Variants in ERICH6B observed in about 807,000 individuals in gnomAD.
The protein encoded by ERICH6B is glutamate rich 6B.
Under a neutral mutation model 80.0 loss-of-function variants are expected in ERICH6B, and 69 were observed. The observed-to-expected ratio is 0.86, with a 90% confidence interval of 0.71 to 1.05. ERICH6B has a LOEUF of 1.05. Ranked by LOEUF, ERICH6B falls within the 50% of genes least tolerant of loss-of-function variation. ERICH6B has a pLI of 0.00. For synonymous variants in ERICH6B, 283 were observed against 291.9 expected, an observed-to-expected ratio of 0.97 and a Z score of 0.31; for missense variants, 754 against 796.1, an observed-to-expected ratio of 0.95 and a Z score of 0.64.
chr13:45,593,535 G>C (rs1011573249), intron 3 of ERICH6B, among the ~76,000 whole-genome samples: 1 of 152,066 alleles, frequency 6.6e-6, no homozygotes, highest in Non-Finnish European at 1.5e-5. Flanking sequence ...CTATGAGGTA[G>C]GTCTAATGCT....
rs996821525 is a variant in ERICH6B at position 45,544,928 on chromosome 13, G to A, written c.1704C>T (p.Ala568=). ...GGATGTTCAGATTCCACCAGTTCCA[G>A]GCCTTCTGGCGTTTGTCTTTGGGGA... ...YYFPKDKRQK[A]WNWWNLNIHV... is the part of the protein sequence containing the mutation. The change falls in exon 14 of 15, where the codon GCC becomes GCT. Residue 568 remains alanine, a synonymous_variant. Coordinates refer to ENST00000298738, the MANE Select transcript of ERICH6B (RefSeq NM_182542.3). 2 of 1,551,690 alleles carry A rather than the reference G, an allele frequency of 1.3e-6. No homozygotes were observed. Among genetic ancestry groups the A allele is most frequent in the African/African-American group, 2.7e-5 (2 of 73,172 alleles).
chr13:45,571,414 G>C (rs4300537), intron 8 of ERICH6B, among the ~76,000 whole-genome samples: 13,459 of 151,352 alleles, frequency 0.089, 1,008 homozygotes, highest in African/African-American at 0.2. Flanking sequence ...AAACTATTCT[G>C]CACACTAACT....
intron 5 of ERICH6B, among the ~76,000 whole-genome samples, chr13:45,582,780 A>T (rs925475216): frequency 1.3e-5 from 2 of 152,248 alleles, no homozygotes; most frequent in Non-Finnish European, 2.9e-5. Context: ...GTCCAGGAAC[A>T]TCAGGAAACC....
In ERICH6B at chr13:45,573,854, A is replaced by G. The variant is rs1408757482; in HGVS notation, c.1050+988T>C. On this transcript the variant is annotated intron_variant, in intron 8 of 14. Transcript: ENST00000298738. ...ACTAAAACAATTCCTTCAGGTTTCA[A>G]CTCTAGTAGAATAATCTTTCCAAAA... Among the ~76,000 whole-genome samples, 3 of 152,166 alleles carry G rather than the reference A, an allele frequency of 2.0e-5. No individual in the cohort carries two copies. The East Asian group carries it at 5.8e-4, about 29-fold the overall frequency.
chr13:45,590,541 T>C (rs1876114614), intron 4 of ERICH6B, 108 bp downstream of exon 4: 1 of 1,056,680 alleles, frequency 9.5e-7, no homozygotes, highest in South Asian at 1.6e-5. Context: ...AACTCCTTCT[T>C]CCTCCCCTAC....
intron 7 of ERICH6B, among the ~76,000 whole-genome samples, chr13:45,579,148 T>C (rs1007923176): frequency 2.6e-5 from 4 of 152,174 alleles, no homozygotes; most frequent in African/African-American, 4.8e-5. Flanking sequence ...ACATCGTAGC[T>C]CTAAAATGCC....
intron 14 of ERICH6B, 28 bp downstream of exon 14, chr13:45,544,732 T>G (rs1165498851): frequency 6.5e-7 from 1 of 1,544,032 alleles, no homozygotes; most frequent in Non-Finnish European, 8.8e-7. Flanking sequence ...CCCCACCTGG[T>G]GGAGGGTATG....
rs201943666 is a variant in ERICH6B at position 45,572,940 on chromosome 13, A to AC, written c.1050+1901dup. Among the ~76,000 whole-genome samples the AC allele has an allele frequency of 7.4e-3, 1,123 of 151,176 alleles. 13 individuals are homozygous for AC. The highest frequency in any genetic ancestry group is 0.025 in the African/African-American group (1,045 of 41,166). On this transcript the variant is annotated intron_variant, in intron 8 of 14. Coordinates refer to ENST00000298738, the MANE Select transcript of ERICH6B (RefSeq NM_182542.3). ...CCCTATCAGATGGGCCAGAATTATG[A>AC]CCTTGGTGGTCGAGGATATGATGGA... is the stretch of plus-strand genomic sequence containing the variant.
chr13:45,550,171 C>T, intron 12 of ERICH6B, 60 bp downstream of exon 12: 5 of 1,536,958 alleles, frequency 3.3e-6, no homozygotes, highest in Middle Eastern at 1.7e-4. Flanking sequence ...CATAAAAAAT[C>T]GTAGACATTT....
At chr13:45,541,896 T>C (rs1055054341) in intron 14 of ERICH6B, among the ~76,000 whole-genome samples, 2 of 152,236 alleles carry the variant, frequency 1.3e-5, no homozygotes, top group Admixed American at 6.5e-5. Flanking sequence ...CATGGTGATG[T>C]GGGCTGAGGC....
At chr13:45,542,809 C>T (rs950612073) in intron 14 of ERICH6B, among the ~76,000 whole-genome samples, 1 of 152,152 alleles carries the variant, frequency 6.6e-6, no homozygotes, top group East Asian at 1.9e-4. Context: ...CCTTCCCAGG[C>T]AAGGGAACCT....
intron 9 of ERICH6B, among the ~76,000 whole-genome samples, chr13:45,565,866 T>C (rs1874890881): frequency 6.6e-6 from 1 of 152,204 alleles, no homozygotes; most frequent in African/African-American, 2.4e-5. Flanking sequence ...GAAGTGACTT[T>C]GGAACTAGGT....
intron 1 of ERICH6B, among the ~76,000 whole-genome samples, chr13:45,610,819 G>C (rs1949895306): frequency 6.7e-6 from 1 of 149,820 alleles, no homozygotes; most frequent in Non-Finnish European, 1.5e-5. Flanking sequence ...CAAGTGAAAT[G>C]TTATGTGGCA....
intron 11 of ERICH6B, among the ~76,000 whole-genome samples, chr13:45,558,871 A>G (rs1874547276): frequency 6.6e-6 from 1 of 152,182 alleles, no homozygotes; most frequent in South Asian, 2.1e-4. Flanking sequence ...TATGTTCACC[A>G]GGGATATTGG....
Position 45,591,112 on chromosome 13 carries a change from G to T in ERICH6B, c.638-415C>A, listed in dbSNP as rs558814193. ...CTGATTGTTTGCCTTGAATGATATGGCATAAAGAATTTCTTGTAGACTTGG... is the reference window on the plus strand; with the variant it reads ...CTGATTGTTTGCCTTGAATGATATGTCATAAAGAATTTCTTGTAGACTTGG... On this transcript the variant is annotated intron_variant, in intron 3 of 14. Coordinates refer to ENST00000298738, the MANE Select transcript of ERICH6B (RefSeq NM_182542.3). Among the ~76,000 whole-genome samples, 220 of 152,180 alleles carry T rather than the reference G, an allele frequency of 1.4e-3. 1 individual carries two copies. The highest frequency in any genetic ancestry group is 2.5e-3 in the Non-Finnish European group (168 of 68,036).
intron 9 of ERICH6B, among the ~76,000 whole-genome samples, chr13:45,567,933 C>T (rs73466508): frequency 0.12 from 17,796 of 152,246 alleles, 3,072 homozygotes; most frequent in African/African-American, 0.37. Context: ...TCTTGATTCC[C>T]CAGTGTCTTC....
chr13:45,553,938 C>T (rs1168041184), intron 11 of ERICH6B, among the ~76,000 whole-genome samples: 3 of 152,108 alleles, frequency 2.0e-5, no homozygotes, highest in Non-Finnish European at 4.4e-5. Context: ...TTAACATATG[C>T]ATTACCTCAC....
chr13:45,589,489 G>C (rs1013891510), intron 4 of ERICH6B, among the ~76,000 whole-genome samples: 2 of 152,194 alleles, frequency 1.3e-5, no homozygotes, highest in African/African-American at 4.8e-5. Flanking sequence ...GCTGGCCACT[G>C]TTCCGCCTCC....
rs1238841207 is a variant in ERICH6B at position 45,574,824 on chromosome 13, A to G, written c.1050+18T>C. On this transcript the variant is annotated intron_variant, in intron 8 of 14. Transcript: ENST00000298738. ...GGAGGAAGCTGGGGGGGGGGTCTCA[A>G]GTTTTTATCCAACTTACGTTTTCAT... 3.9e-6 allele frequency: 6 copies of G among 1,538,724 alleles called. No homozygotes were observed. In the Admixed American group the frequency reaches 5.9e-5, roughly 15 times the overall value.
Sources: gnomAD v4.1 joint callset for allele counts (sites outside exome capture counted in the v4.1 genomes callset) on GRCh38, gnomAD v4.1.1 for gene constraint, MANE v1.5 for transcripts, NCBI Gene and HGNC (gene_info 2026-07-23, HGNC 2026-07-21) for gene names.